The following TBCK variants were observed in gnomAD, a reference collection of about 807,000 sequenced individuals.
TBCK encodes the protein TBC domain-containing protein kinase-like protein.
In TBCK, 99 loss-of-function variants were observed where a neutral mutation model predicts 113.4. The observed-to-expected ratio is 0.87, with a 90% CI of 0.74 to 1.03. The LOEUF (loss-of-function observed/expected upper bound fraction) is 1.03, where lower values mean the gene tolerates loss of function less well. Ranked by LOEUF, TBCK falls within the 50% of genes least tolerant of loss-of-function variation. The pLI, the probability that TBCK is intolerant of heterozygous loss-of-function variation, is 0.00. For missense variants in TBCK, 1,045 were observed against 1,061.3 expected (o/e 0.98, Z 0.21); for synonymous variants, 369 against 370.8 (o/e 1.00, Z 0.05).
At chr4:106,147,494 T>C (rs1747941632) in intron 23 of TBCK, among the ~76,000 whole-genome samples, 1 of 152,208 alleles carries the variant, frequency 6.6e-6, no homozygotes, top group African/African-American at 2.4e-5. Context: ...TGTGAAGATT[T>C]CATGGACATT....
At chr4:106,235,440 T>G in intron 14 of TBCK, 73 bp from the exon 15 acceptor site, 1 of 954,746 alleles carries the variant, frequency 1.0e-6, no homozygotes, top group Non-Finnish European at 1.5e-6. Context: ...CAGTTCTGAA[T>G]ATACCCATGA....
intron 1 of TBCK, chr4:106,310,255 G>A (rs1198818989): frequency 1.3e-5 from 2 of 152,134 alleles, no homozygotes; most frequent in Admixed American, 6.5e-5. Context: ...CAGGCCATGA[G>A]GTGATGAAAG....
At chr4:106,073,431 A>AAGAACAGCAAATACTGC (rs1023811487) in intron 25 of TBCK, among the ~76,000 whole-genome samples, 3 of 152,204 alleles carry the variant, frequency 2.0e-5, no homozygotes, top group African/African-American at 4.8e-5. Flanking sequence ...GCGGAGGCTG[A>AAGAACAGCAAATACTGC]AGAACAGCAA....
At chr4:106,133,819 G>C (rs12643397) in intron 23 of TBCK, among the ~76,000 whole-genome samples, 35,306 of 152,010 alleles carry the variant, frequency 0.23, 4,163 homozygotes, top group South Asian at 0.28. Flanking sequence ...TCGAGACAAG[G>C]CTGGCCAACA....
intron 25 of TBCK, among the ~76,000 whole-genome samples, chr4:106,091,016 AC>A (rs1740158327): frequency 6.6e-6 from 1 of 152,308 alleles, no homozygotes; most frequent in East Asian, 1.9e-4. Flanking sequence ...CAGGTATTTA[AC>A]AGCAACACCC....
At chr4:106,116,886 A>G (rs1187507396) in intron 23 of TBCK, among the ~76,000 whole-genome samples, 1 of 152,266 alleles carries the variant, frequency 6.6e-6, no homozygotes, top group East Asian at 1.9e-4. Context: ...GGTAAGTTGT[A>G]TAATTATTTC....
At chr4:106,091,930 G>C (rs1740297933) in intron 25 of TBCK, among the ~76,000 whole-genome samples, 2 of 152,088 alleles carry the variant, frequency 1.3e-5, no homozygotes, top group African/African-American at 4.8e-5. Flanking sequence ...GTTTTGACAG[G>C]GTGCTGATTA....
At chr4:106,259,974 C>T (rs1257885376) in intron 5 of TBCK, among the ~76,000 whole-genome samples, 6 of 151,862 alleles carry the variant, frequency 4.0e-5, no homozygotes, top group Non-Finnish European at 8.9e-5. Context: ...TGGAATTTAT[C>T]TCTATCTCTA....
chr4:106,197,352 G>A (rs912368756), intron 20 of TBCK, among the ~76,000 whole-genome samples: 1 of 149,210 alleles, frequency 6.7e-6, no homozygotes, highest in Non-Finnish European at 1.5e-5. Context: ...GTGTGTGTGT[G>A]TGTGTGTGTG....
At chr4:106,149,985 C>T (rs777534230) in intron 23 of TBCK, among the ~76,000 whole-genome samples, 9 of 152,220 alleles carry the variant, frequency 5.9e-5, no homozygotes, top group Non-Finnish European at 1.2e-4. Context: ...AGATTTCTCA[C>T]TCTAATTTAT....
chr4:106,171,100 C>A lies in TBCK; in HGVS notation c.2230G>T (p.Asp744Tyr). The A allele has an allele frequency of 6.3e-7, 1 of 1,594,274 alleles. No homozygotes were observed. The change falls in exon 23 of 26, where the codon GAT becomes TAT. Residue 744 changes from aspartate to tyrosine, a missense_variant. Coordinates refer to ENST00000394708, the MANE Select transcript of TBCK (RefSeq NM_001163435.3). Reference sequence around the variant, plus strand: ...CTAAATCCGCAAATACATACCAGATCTGTCTTTGGAGGATCTGGACACTCA... The same window carrying A: ...CTAAATCCGCAAATACATACCAGATATGTCTTTGGAGGATCTGGACACTCA... ...SAECPDPPKT[D>Y]LSRESIPLND...
chr4:106,176,962 T>G (rs1751743698), intron 22 of TBCK, among the ~76,000 whole-genome samples: 1 of 128,876 alleles, frequency 7.8e-6, no homozygotes, highest in Non-Finnish European at 1.8e-5. Context: ...TTTTAAGTGT[T>G]TTTTTTTTTT....
chr4:106,130,175 G>A (rs945382254), intron 23 of TBCK, among the ~76,000 whole-genome samples: 1 of 152,152 alleles, frequency 6.6e-6, no homozygotes, highest in African/African-American at 2.4e-5. Context: ...AATTATTGGT[G>A]ATGGAAAGAG....
intron 25 of TBCK, among the ~76,000 whole-genome samples, chr4:106,089,639 T>C (rs142092153): frequency 3.0e-4 from 45 of 152,322 alleles, no homozygotes; most frequent in African/African-American, 1.1e-3. Flanking sequence ...TTACTGCCAA[T>C]ATACAATGGT....
intron 5 of TBCK, among the ~76,000 whole-genome samples, chr4:106,256,480 G>C (rs1375091890): frequency 3.3e-5 from 5 of 152,168 alleles, no homozygotes; most frequent in Admixed American, 2.6e-4. Context: ...ACAGCACCTG[G>C]GCTTGACCCC....
intron 3 of TBCK, among the ~76,000 whole-genome samples, chr4:106,273,464 T>C (rs1191066517): frequency 6.6e-6 from 1 of 152,248 alleles, no homozygotes; most frequent in Non-Finnish European, 1.5e-5. Flanking sequence ...TTTGTTTATT[T>C]GCTGGTTAGC....
At chr4:106,282,788 G>T (rs1220650880) in intron 3 of TBCK, among the ~76,000 whole-genome samples, 1 of 152,054 alleles carries the variant, frequency 6.6e-6, no homozygotes, top group Non-Finnish European at 1.5e-5. Context: ...ATACAATCTT[G>T]GCAGAGGGAA....
In TBCK at chr4:106,126,457, T is replaced by C. The variant is rs146630655; in HGVS notation, c.2236-10079A>G. 5.7e-3 allele frequency among the ~76,000 whole-genome samples: 868 copies of C among 152,290 alleles called. 10 individuals are homozygous for C. The highest frequency in any genetic ancestry group is 0.02 in the African/African-American group (839 of 41,564). ...CTACTGTTCATGAGTAACATTGTGC[T>C]ATGAGGTATGTATATGTAACGAAAA... On this transcript the variant is annotated intron_variant, in intron 23 of 25. Transcript: ENST00000394708.
At chr4:106,246,875 G>A (rs996593355) in intron 10 of TBCK, among the ~76,000 whole-genome samples, 4 of 152,070 alleles carry the variant, frequency 2.6e-5, no homozygotes, top group African/African-American at 9.7e-5. Flanking sequence ...TGTAGAGACA[G>A]GATATCTCTA....
Sources: allele counts gnomAD v4.1 joint callset (sites outside exome capture counted in the v4.1 genomes callset), GRCh38; gene constraint gnomAD v4.1.1; transcripts MANE v1.5; gene names NCBI Gene and HGNC (gene_info 2026-07-23, HGNC 2026-07-21).